The following NKAIN2 variants were observed in gnomAD, a reference collection of about 807,000 sequenced individuals.
The protein encoded by NKAIN2 is sodium/potassium transporting ATPase interacting 2.
In NKAIN2, 14 loss-of-function variants were observed where a neutral mutation model predicts 32.6. The observed-to-expected ratio is 0.43, with a 90% CI of 0.28 to 0.67. The LOEUF is 0.67. Ranked by LOEUF, NKAIN2 falls within the 30% of genes least tolerant of loss-of-function variation. The pLI is 0.17. For synonymous variants in NKAIN2, 80 were observed against 87.2 expected (o/e 0.92, Z 0.46); for missense variants, 198 against 258.3 (o/e 0.77, Z 1.60).
At chr6:124,805,779 C>T (rs1780520208) in intron 5 of NKAIN2, among the ~76,000 whole-genome samples, 1 of 152,066 alleles carries the variant, frequency 6.6e-6, no homozygotes, top group Non-Finnish European at 1.5e-5. Flanking sequence ...ATAACCAATA[C>T]AGAGAAGTGC....
At chr6:124,730,955 A>C (rs1776635098) in intron 4 of NKAIN2, among the ~76,000 whole-genome samples, 1 of 134,036 alleles carries the variant, frequency 7.5e-6, no homozygotes, top group Non-Finnish European at 1.6e-5. Flanking sequence ...AAAACACATG[A>C]AAAAATGCTC....
Position 124,355,269 on chromosome 6 carries a change from T to C in NKAIN2, c.195T>C (p.Tyr65=). 6.3e-7 allele frequency: 1 copy of C among 1,592,330 alleles called. No homozygotes were observed. The highest frequency in any genetic ancestry group is 1.3e-5 in the African/African-American group (1 of 74,596). ...ATTTCTCTCTTGCTTCTCTACAGTA[T>C]GCTGTCTGGCTAGTCCTCTGGGTTA... The part of the protein sequence containing the change: ...IQYRPRYITG[Y]AVWLVLWVTW... The change falls in exon 3 of 7, where the codon TAT becomes TAC. Residue 65 remains tyrosine, a splice_region_variant and synonymous_variant. Transcript: ENST00000368417.
intron 1 of NKAIN2, among the ~76,000 whole-genome samples, chr6:123,851,576 A>G (rs912540422): frequency 2.0e-5 from 3 of 152,010 alleles, no homozygotes; most frequent in African/African-American, 7.2e-5. Flanking sequence ...AGGAGCTTTG[A>G]TACTGTTTTC....
intron 3 of NKAIN2, among the ~76,000 whole-genome samples, chr6:124,458,440 G>A (rs1268542278): frequency 1.3e-5 from 2 of 151,526 alleles, no homozygotes; most frequent in Non-Finnish European, 2.9e-5. Context: ...AGTAGTAGCT[G>A]TAGGCTACAG....
chr6:124,798,151 A>G (rs1043276173), intron 5 of NKAIN2, among the ~76,000 whole-genome samples: 1 of 151,916 alleles, frequency 6.6e-6, no homozygotes, highest in African/African-American at 2.4e-5. Context: ...GCCATATCAT[A>G]CATTCTGTTT....
intron 4 of NKAIN2, among the ~76,000 whole-genome samples, chr6:124,729,076 A>G (rs936934461): frequency 6.6e-6 from 1 of 152,114 alleles, no homozygotes; most frequent in African/African-American, 2.4e-5. Flanking sequence ...ATAGCTTACC[A>G]ACCAAAAAGA....
intron 5 of NKAIN2, among the ~76,000 whole-genome samples, chr6:124,802,127 T>G (rs1260824028): frequency 6.6e-6 from 1 of 152,188 alleles, no homozygotes; most frequent in Non-Finnish European, 1.5e-5. Context: ...ATACAAAGAT[T>G]ATGTTAGCAA....
intron 1 of NKAIN2, among the ~76,000 whole-genome samples, chr6:123,995,349 G>A (rs370375796): frequency 1.3e-5 from 2 of 152,292 alleles, no homozygotes; most frequent in South Asian, 2.1e-4. Flanking sequence ...CAGACAGATG[G>A]AATCCCTTTT....
intron 4 of NKAIN2, among the ~76,000 whole-genome samples, chr6:124,786,065 G>T (rs756512752): frequency 6.6e-6 from 1 of 152,076 alleles, no homozygotes; most frequent in Non-Finnish European, 1.5e-5. Flanking sequence ...TTTCTGTCTT[G>T]CTAGGCTGCC....
intron 3 of NKAIN2, among the ~76,000 whole-genome samples, chr6:124,423,748 G>T (rs889423695): frequency 9.2e-5 from 14 of 152,240 alleles, no homozygotes; most frequent in Admixed American, 8.5e-4. Context: ...CCCTTTCAGG[G>T]GATGAAGCAA....
chr6:124,021,428 T>C (rs1261348055), intron 1 of NKAIN2, among the ~76,000 whole-genome samples: 2 of 152,028 alleles, frequency 1.3e-5, no homozygotes, highest in African/African-American at 2.4e-5. Flanking sequence ...TAAAGTCTAG[T>C]AATAATTATT....
At chr6:124,480,232 C>G (rs953160303) in intron 3 of NKAIN2, among the ~76,000 whole-genome samples, 7 of 152,092 alleles carry the variant, frequency 4.6e-5, no homozygotes, top group Non-Finnish European at 8.8e-5. Context: ...CATTGAGAGG[C>G]ATTTCATTTC....
intron 3 of NKAIN2, among the ~76,000 whole-genome samples, chr6:124,483,049 G>T (rs1777516637): frequency 6.6e-6 from 1 of 152,108 alleles, no homozygotes; most frequent in African/African-American, 2.4e-5. Context: ...GTGAACCCAG[G>T]AGGCGGAGCT....
At chr6:124,320,160 T>C (rs1361732793) in intron 2 of NKAIN2, among the ~76,000 whole-genome samples, 1 of 152,146 alleles carries the variant, frequency 6.6e-6, no homozygotes, top group Non-Finnish European at 1.5e-5. Flanking sequence ...CAATACTGTC[T>C]TGACATTTGG....
intron 1 of NKAIN2, among the ~76,000 whole-genome samples, chr6:124,241,719 C>T (rs1470195621): frequency 6.6e-6 from 1 of 151,968 alleles, no homozygotes; most frequent in Non-Finnish European, 1.5e-5. Flanking sequence ...TCTCGTGTTT[C>T]CTATAATTGA....
At chr6:124,551,989 G>A (rs532231117) in intron 3 of NKAIN2, among the ~76,000 whole-genome samples, 4 of 152,232 alleles carry the variant, frequency 2.6e-5, no homozygotes, top group South Asian at 2.1e-4. Context: ...GTTGATAATC[G>A]TTAGAAACTG....
At chr6:124,148,372 A>G (rs974989516) in intron 1 of NKAIN2, among the ~76,000 whole-genome samples, 5 of 152,088 alleles carry the variant, frequency 3.3e-5, no homozygotes, top group Non-Finnish European at 5.9e-5. Flanking sequence ...TTTCATCAAA[A>G]AGAAACTCCA....
Position 124,315,310 on chromosome 6 carries a change from G to A in NKAIN2, c.192+32168G>A, listed in dbSNP as rs553989971. Among the ~76,000 whole-genome samples, 233 of 152,076 alleles carry A rather than the reference G, an allele frequency of 1.5e-3. 5 individuals carry two copies. Among genetic ancestry groups the A allele is most frequent in the Admixed American group, 0.014 (213 of 15,222 alleles). ...ACAAGAATCCAGAGATAAAGGTACC[G>A]ATTTTTTCTAAAAGGATATTACAAA... On this transcript the variant is annotated intron_variant, in intron 2 of 6. Transcript: ENST00000368417.
At chr6:124,570,624 G>A (rs73569270) in intron 3 of NKAIN2, among the ~76,000 whole-genome samples, 16,698 of 152,210 alleles carry the variant, frequency 0.11, 938 homozygotes, top group East Asian at 0.17. Context: ...ATTGAGGTTC[G>A]AGAACCTTCG....
Sources: gnomAD v4.1 joint callset for allele counts (sites outside exome capture counted in the v4.1 genomes callset) on GRCh38, gnomAD v4.1.1 for gene constraint, MANE v1.5 for transcripts, NCBI Gene and HGNC (gene_info 2026-07-23, HGNC 2026-07-21) for gene names.